SAXO4: variants seen among roughly 807,000 people sequenced by gnomAD.
SAXO4 encodes stabilizer of axonemal microtubules 4.
At chr11:61,483,124 C>A in the SAXO4 span, among the ~76,000 whole-genome samples, 1 of 151,964 alleles carries the variant, frequency 6.6e-6, no homozygotes, top group Admixed American at 6.6e-5. Context: ...ACTGTCCCCC[C>A]ACCATGGACA....
the SAXO4 span, chr11:61,484,599 A>G: frequency 2.0e-6 from 3 of 1,536,852 alleles, no homozygotes; most frequent in Non-Finnish European, 2.6e-6. Flanking sequence ...TGCTCTGCAG[A>G]TACTGCGCTC....
chr11:61,486,969 C>T, the SAXO4 span: 1 of 1,614,124 alleles, frequency 6.2e-7, no homozygotes, highest in Non-Finnish European at 8.5e-7. Context: ...CTGCCCAGAA[C>T]CCAGCAGCGT....
the SAXO4 span, chr11:61,489,796 T>TC: frequency 1.9e-6 from 3 of 1,613,704 alleles, no homozygotes; most frequent in South Asian, 2.2e-5. Context: ...TTTGAGAACA[T>TC]CCCCAAGGGT....
the SAXO4 span, chr11:61,486,834 G>A: frequency 3.1e-6 from 3 of 960,886 alleles, no homozygotes; most frequent in East Asian, 2.4e-5. Flanking sequence ...AGGGAGGGTC[G>A]CTGGGGCTGT....
At chr11:61,485,999 G>A in the SAXO4 span, 6 of 919,182 alleles carry the variant, frequency 6.5e-6, no homozygotes, top group East Asian at 2.5e-5. Flanking sequence ...AATGTGAGCT[G>A]CAGAGCCCTT....
At chr11:61,488,188 T>C in the SAXO4 span, among the ~76,000 whole-genome samples, 5 of 151,916 alleles carry the variant, frequency 3.3e-5, no homozygotes, top group Admixed American at 6.6e-5. Flanking sequence ...GGTTTCGCCA[T>C]GTTGGCCCGG....
At chr11:61,487,578 A>G in the SAXO4 span, among the ~76,000 whole-genome samples, 13 of 152,194 alleles carry the variant, frequency 8.5e-5, no homozygotes, top group Non-Finnish European at 1.5e-4. Flanking sequence ...TTATACCCCC[A>G]CATCCATCGG....
At chr11:61,482,776 G>A in the SAXO4 span, 2 of 1,612,754 alleles carry the variant, frequency 1.2e-6, no homozygotes, top group Non-Finnish European at 1.7e-6. Context: ...CTATGGGCGG[G>A]AGAAGCCCAG....
the SAXO4 span, chr11:61,485,720 C>T: frequency 1.8e-6 from 2 of 1,105,250 alleles, no homozygotes; most frequent in Non-Finnish European, 2.7e-6. Context: ...TCCCTCTGCA[C>T]CTGCTGGGAC....
the SAXO4 span, chr11:61,482,262 C>G: frequency 6.4e-7 from 1 of 1,562,546 alleles, no homozygotes; most frequent in Non-Finnish European, 8.8e-7. Context: ...CTGGGAAGCC[C>G]TGCCTGTTTT....
the SAXO4 span, chr11:61,489,914 G>C: frequency 6.2e-7 from 1 of 1,613,112 alleles, no homozygotes; most frequent in African/African-American, 1.3e-5. Flanking sequence ...ACCCCATGGA[G>C]AGCCTGCGGC....
chr11:61,487,220 C>A, the SAXO4 span: 1 of 1,614,018 alleles, frequency 6.2e-7, no homozygotes, highest in Non-Finnish European at 8.5e-7. Flanking sequence ...ATCAGCGATA[C>A]CTGACCACCT....
the SAXO4 span, chr11:61,489,638 C>T: frequency 8.9e-6 from 7 of 790,708 alleles, no homozygotes; most frequent in East Asian, 2.5e-5. Flanking sequence ...CCCCAGTGGA[C>T]GTGGGCTTAG....
the SAXO4 span, chr11:61,482,782 C>G: frequency 6.2e-7 from 1 of 1,611,708 alleles, no homozygotes; most frequent in East Asian, 2.2e-5. Flanking sequence ...GCGGGAGAAG[C>G]CCAGTGCGGG....
the SAXO4 span, chr11:61,487,272 C>G: frequency 6.4e-7 from 1 of 1,567,142 alleles, no homozygotes; most frequent in East Asian, 2.2e-5. Context: ...AAAGCTGAAA[C>G]CCATTTGAGA....
At chr11:61,483,721 G>A in the SAXO4 span, among the ~76,000 whole-genome samples, 1 of 152,076 alleles carries the variant, frequency 6.6e-6, no homozygotes, top group Non-Finnish European at 1.5e-5. Flanking sequence ...ACTTTGGGAA[G>A]CTGAAGCAGG....
the SAXO4 span, chr11:61,487,135 C>G: frequency 8.7e-6 from 14 of 1,613,880 alleles, no homozygotes; most frequent in Admixed American, 1.8e-4. Context: ...CTGTCTACCC[C>G]TCTTGTGCAG....
chr11:61,484,601 A>C, the SAXO4 span: 1 of 1,540,350 alleles, frequency 6.5e-7, no homozygotes, highest in African/African-American at 1.4e-5. Context: ...CTCTGCAGAT[A>C]CTGCGCTCTG....
At chr11:61,482,605 C>T in the SAXO4 span, 2 of 1,612,948 alleles carry the variant, frequency 1.2e-6, no homozygotes, top group Non-Finnish European at 1.7e-6. Context: ...AGCTCCTTAG[C>T]AGAGGACAGA....
Sources: allele counts gnomAD v4.1 joint callset (sites outside exome capture counted in the v4.1 genomes callset), GRCh38; gene constraint gnomAD v4.1.1; transcripts MANE v1.5; gene names NCBI Gene and HGNC (gene_info 2026-07-23, HGNC 2026-07-21).